SLCO6A1: variants seen among roughly 807,000 people sequenced by gnomAD.
The protein encoded by SLCO6A1 is solute carrier organic anion transporter family member 6A1, also known as cancer/testis antigen 48.
SLCO6A1 carries 65 observed loss-of-function variants against 72.7 expected under a neutral mutation model. The ratio of observed to expected loss-of-function variants is 0.89; its 90% CI spans 0.73 to 1.10. The LOEUF is 1.10. Ranked by LOEUF, SLCO6A1 falls within the 50% of genes least tolerant of loss-of-function variation. The pLI is 0.00. For synonymous variants in SLCO6A1, 314 were observed against 298.2 expected (o/e 1.05, Z -0.55); for missense variants, 874 against 872.6 (o/e 1.00, Z -0.02).
chr5:102,494,985 A>G (rs1752844097), intron 1 of SLCO6A1, among the ~76,000 whole-genome samples: 1 of 152,240 alleles, frequency 6.6e-6, no homozygotes, highest in South Asian at 2.1e-4. Flanking sequence ...AAAAATATAG[A>G]AACAACGCAA....
intron 1 of SLCO6A1, among the ~76,000 whole-genome samples, chr5:102,493,408 C>G (rs1305400311): frequency 6.6e-6 from 1 of 152,066 alleles, no homozygotes; most frequent in African/African-American, 2.4e-5. Context: ...ATGAACATCT[C>G]AATAGAGGCA....
chr5:102,487,950 A>T (rs1752514054), intron 1 of SLCO6A1, among the ~76,000 whole-genome samples: 2 of 152,250 alleles, frequency 1.3e-5, no homozygotes, highest in African/African-American at 4.8e-5. Context: ...GCACAAAGTT[A>T]GGACCAACTA....
Position 102,498,791 on chromosome 5 carries a change from T to G in SLCO6A1, c.54A>C (p.Gly18=), listed in dbSNP as rs760960107. ...HSGSQDEVSR[G]VEPLEAARAQ... ...CCCGCGCGGCCTCCAGCGGCTCTAC[T>G]CCCCTTGAGACTTCATCCTGGCTCC... The change falls in exon 1 of 14, where the codon GGA becomes GGC. Residue 18 remains glycine, a synonymous_variant. Transcript: ENST00000506729. 2.9e-5 allele frequency: 46 copies of G among 1,613,714 alleles called. No individual in the cohort carries two copies. Among genetic ancestry groups the G allele is most frequent in the Non-Finnish European group, 3.8e-5 (45 of 1,180,002 alleles).
chr5:102,420,203 C>T (rs1270895462), intron 7 of SLCO6A1, among the ~76,000 whole-genome samples, 182 bp from the exon 8 acceptor site: 1 of 152,158 alleles, frequency 6.6e-6, no homozygotes, highest in Non-Finnish European at 1.5e-5. Context: ...GAAACAAAAA[C>T]CTGTCAGCAG....
intron 13 of SLCO6A1, among the ~76,000 whole-genome samples, chr5:102,372,946 C>T (rs1026372547): frequency 4.0e-5 from 6 of 151,654 alleles, no homozygotes; most frequent in Admixed American, 3.3e-4. Context: ...GGCAAATATA[C>T]TTTTATTTAG....
intron 7 of SLCO6A1, among the ~76,000 whole-genome samples, chr5:102,428,232 A>G (rs1303010848): frequency 6.6e-6 from 1 of 152,064 alleles, no homozygotes; most frequent in East Asian, 1.9e-4. Context: ...TAGTTCTTGA[A>G]AAAAAGATAA....
intron 4 of SLCO6A1, among the ~76,000 whole-genome samples, chr5:102,462,945 T>C (rs1189465858): frequency 6.6e-6 from 1 of 152,114 alleles, no homozygotes; most frequent in Non-Finnish European, 1.5e-5. Context: ...ACAGAAAAGC[T>C]TCTGCACAGC....
chr5:102,455,443 A>G (rs1455738759), intron 6 of SLCO6A1, among the ~76,000 whole-genome samples: 1 of 152,142 alleles, frequency 6.6e-6, no homozygotes, highest in Non-Finnish European at 1.5e-5. Context: ...AAACAAATGG[A>G]AAGTCAAATC....
At chr5:102,440,928 G>A (rs1396165042) in intron 6 of SLCO6A1, among the ~76,000 whole-genome samples, 2 of 151,956 alleles carry the variant, frequency 1.3e-5, no homozygotes, top group African/African-American at 2.4e-5. Flanking sequence ...TTAGCTATTG[G>A]GATTCTTTTT....
Position 102,480,387 on chromosome 5 carries a change from CCTT to C in SLCO6A1, c.403_405del (p.Lys135del). 1 of 1,613,344 alleles carries C rather than the reference CCTT, an allele frequency of 6.2e-7. No homozygotes were observed. The highest frequency in any genetic ancestry group is 8.5e-7 in the Non-Finnish European group (1 of 1,179,552). On this transcript the variant is annotated inframe_deletion, in exon 2 of 14. Coordinates refer to ENST00000506729, the MANE Select transcript of SLCO6A1 (RefSeq NM_173488.5). ...TTCTCAATGGTTTTCAGTTGATATT[CCTT>C]CTGAAAATCGCCAATGCTGACATCT... is the stretch of plus-strand genomic sequence containing the variant.
chr5:102,476,179 A>G (rs1356326757), intron 3 of SLCO6A1, among the ~76,000 whole-genome samples: 1 of 152,098 alleles, frequency 6.6e-6, no homozygotes, highest in Admixed American at 6.6e-5. Flanking sequence ...GTAACCAAAT[A>G]CCACCTGTTC....
intron 6 of SLCO6A1, among the ~76,000 whole-genome samples, chr5:102,458,002 CA>C (rs1183710681): frequency 6.6e-6 from 1 of 151,452 alleles, no homozygotes; most frequent in African/African-American, 2.4e-5. Context: ...ATTGCAAGAA[CA>C]AAAAACCAAA....
chr5:102,431,968 A>C (rs1419964150), intron 7 of SLCO6A1, among the ~76,000 whole-genome samples: 1 of 152,092 alleles, frequency 6.6e-6, no homozygotes, highest in East Asian at 1.9e-4. Flanking sequence ...GTTGAATTGA[A>C]CCTTTCACCA....
At chr5:102,454,672 C>A (rs1314594429) in intron 6 of SLCO6A1, among the ~76,000 whole-genome samples, 1 of 145,646 alleles carries the variant, frequency 6.9e-6, no homozygotes, top group Non-Finnish European at 1.5e-5. Flanking sequence ...TTTTTTTTTT[C>A]TTTTCTGGCA....
At chr5:102,495,439 C>CA (rs143549482) in intron 1 of SLCO6A1, among the ~76,000 whole-genome samples, 27,401 of 151,770 alleles carry the variant, frequency 0.18, 4,537 homozygotes, top group African/African-American at 0.44. Context: ...ATTAAAAATA[C>CA]AAAAATTTAG....
chr5:102,428,025 T>C (rs1386294061), intron 7 of SLCO6A1, among the ~76,000 whole-genome samples: 1 of 151,012 alleles, frequency 6.6e-6, no homozygotes. Context: ...TGCACCACCA[T>C]ACCACCATAC....
chr5:102,391,898 T>C (rs1580342282), intron 10 of SLCO6A1, among the ~76,000 whole-genome samples: 1 of 152,014 alleles, frequency 6.6e-6, no homozygotes, highest in Non-Finnish European at 1.5e-5. Context: ...AAACCAAGCA[T>C]TTGTTTAAAA....
rs573422583 is a variant in SLCO6A1 at position 102,480,193 on chromosome 5, A to T, written c.600T>A (p.Ser200Arg). The change falls in exon 2 of 14, where the codon AGT (serine) becomes AGA (arginine). Residue 200 changes from serine (S) to arginine (R), a missense_variant. Transcript: ENST00000506729. ...FPSINEENKQ[S>R]KVGIEDICEE... is the part of the protein sequence containing the mutation. ...AAACCTTACCTTCAATTCCTACCTT[A>T]CTTTGTTTATTTTCTTCATTAATGG... is the stretch of plus-strand genomic sequence containing the variant. 22 of 1,608,300 alleles carry T rather than the reference A, an allele frequency of 1.4e-5. 2 individuals are homozygous for T. The South Asian group carries it at 2.3e-4, about 17-fold the overall frequency.
intron 12 of SLCO6A1, among the ~76,000 whole-genome samples, chr5:102,378,177 G>C (rs72779935): frequency 0.036 from 5,488 of 151,746 alleles, 160 homozygotes; most frequent in Non-Finnish European, 0.05. Context: ...TATACTTTAA[G>C]TTTTAGGGTA....
Sources: allele counts gnomAD v4.1 joint callset (sites outside exome capture counted in the v4.1 genomes callset), GRCh38; gene constraint gnomAD v4.1.1; transcripts MANE v1.5; gene names NCBI Gene and HGNC (gene_info 2026-07-23, HGNC 2026-07-21).